ANKRD36: variants seen among roughly 807,000 people sequenced by gnomAD.
ANKRD36 encodes the protein ankyrin repeat domain-containing protein 36A.
Under a neutral mutation model 278.1 loss-of-function variants are expected in ANKRD36, and 179 were observed. The observed-to-expected ratio is 0.64, with a 90% CI of 0.57 to 0.73. The LOEUF (loss-of-function observed/expected upper bound fraction) is 0.73. ANKRD36 is among the 30% of genes least tolerant of loss of function. ANKRD36 has a pLI of 0.00. For missense variants in ANKRD36, 1,159 were observed against 1,956.7 expected (o/e 0.59, Z 7.69); for synonymous variants, 320 against 641.1 (o/e 0.50, Z 7.57).
chr2:97,194,947 G>C (rs2059359030), intron 40 of ANKRD36, 30 bp downstream of exon 40: 2 of 1,539,748 alleles, frequency 1.3e-6, no homozygotes, highest in Non-Finnish European at 1.7e-6. Flanking sequence ...TTAATGTCAT[G>C]TTCAGTCCAG....
In ANKRD36 at chr2:97,122,919, T is replaced by C; in HGVS notation, c.519T>C (p.Ser173=). The change falls in exon 4 of 76, where the codon AGT becomes AGC. Residue 173 remains serine, a synonymous_variant. Coordinates refer to ENST00000420699, the MANE Select transcript of ANKRD36 (RefSeq NM_001354587.1). ...CEYQPLLFAV[S]RRKVKMVEFL... ...ATCAGCCACTGTTATTTGCTGTGAG[T>C]CGAAGAAAAGTGAAAATGGTGGAAT... 1 of 1,544,340 alleles carries C rather than the reference T, an allele frequency of 6.5e-7. No individual in the cohort carries two copies. Among genetic ancestry groups the C allele is most frequent in the Non-Finnish European group, 8.7e-7 (1 of 1,142,900 alleles).
intron 54 of ANKRD36, among the ~76,000 whole-genome samples, 170 bp from the exon 55 acceptor site, chr2:97,209,511 T>G (rs1176416219): frequency 2.8e-5 from 4 of 144,688 alleles, no homozygotes; most frequent in African/African-American, 8.3e-5. Flanking sequence ...CTGTGTTCCC[T>G]TTTTCAGTGT....
At chr2:97,190,554 T>C (rs1451759964) in intron 34 of ANKRD36, among the ~76,000 whole-genome samples, 1 of 151,692 alleles carries the variant, frequency 6.6e-6, no homozygotes, top group Admixed American at 6.6e-5. Context: ...TTAAAGAGCA[T>C]GATGAATGTT....
intron 58 of ANKRD36, chr2:97,212,741 C>G (rs957044789): frequency 6.2e-6 from 1 of 161,052 alleles, no homozygotes; most frequent in Non-Finnish European, 1.4e-5. Flanking sequence ...TTTATTGAGG[C>G]TAATATATTA....
At chr2:97,199,694 T>C (rs1178055674) in intron 44 of ANKRD36, among the ~76,000 whole-genome samples, 1 of 151,864 alleles carries the variant, frequency 6.6e-6, no homozygotes, top group Non-Finnish European at 1.5e-5. Flanking sequence ...ATGAAGAAAC[T>C]TTCGGAAGGG....
At chr2:97,260,345 A>AAG (rs1553500746) in intron 75 of ANKRD36, among the ~76,000 whole-genome samples, 6 of 70,514 alleles carry the variant, frequency 8.5e-5, no homozygotes, top group Admixed American at 3.4e-4. Context: ...AATATTTTAA[A>AAG]AGATATATAT....
chr2:97,206,556 C>A (rs1297324496), intron 52 of ANKRD36, among the ~76,000 whole-genome samples: 1 of 151,344 alleles, frequency 6.6e-6, no homozygotes, highest in Non-Finnish European at 1.5e-5. Flanking sequence ...ACTAAGGAGA[C>A]CCCTGGTGTA....
At chr2:97,180,083 C>T (rs1233991677) in intron 24 of ANKRD36, 150 bp downstream of exon 24, 10 of 1,129,730 alleles carry the variant, frequency 8.9e-6, no homozygotes, top group South Asian at 1.5e-5. Context: ...TCTCAGGTGA[C>T]CCTGATGCTG....
Position 97,179,852 on chromosome 2 carries a change from C to G in ANKRD36, c.1663-9C>G. 1 of 1,603,992 alleles carries G rather than the reference C, an allele frequency of 6.2e-7. No homozygotes were observed. Among genetic ancestry groups the G allele is most frequent in the African/African-American group, 1.3e-5 (1 of 74,778 alleles). ...ACATATTGATTATTTTGCTTCAAAT[C>G]CCATTCAGGCTACAAGTGACGACAA... On this transcript the variant is annotated splice_polypyrimidine_tract_variant and intron_variant, in intron 23 of 75. Transcript: ENST00000420699.
At chr2:97,117,158 G>A (rs996011923) in intron 1 of ANKRD36, among the ~76,000 whole-genome samples, 48 of 147,574 alleles carry the variant, frequency 3.3e-4, no homozygotes, top group African/African-American at 9.3e-4. Flanking sequence ...ACTATTAATC[G>A]TTGCAAATAC....
intron 22 of ANKRD36, among the ~76,000 whole-genome samples, chr2:97,173,338 A>G (rs1305957097): frequency 6.6e-6 from 1 of 151,486 alleles, no homozygotes; most frequent in Non-Finnish European, 1.5e-5. Flanking sequence ...GCCTATGATA[A>G]TAACTCATAA....
intron 6 of ANKRD36, among the ~76,000 whole-genome samples, chr2:97,133,149 A>G (rs1425926650): frequency 1.3e-5 from 2 of 152,078 alleles, no homozygotes; most frequent in Non-Finnish European, 2.9e-5. Context: ...TAAGAATGAC[A>G]GTCTTATGAC....
At chr2:97,230,027 C>T (rs1486007280) in intron 67 of ANKRD36, among the ~76,000 whole-genome samples, 1 of 152,118 alleles carries the variant, frequency 6.6e-6, no homozygotes, top group Non-Finnish European at 1.5e-5. Context: ...TGATGGGCTT[C>T]CCTTTGTGGG....
intron 67 of ANKRD36, 139 bp downstream of exon 67, chr2:97,225,018 A>G (rs2068968383): frequency 1.2e-6 from 1 of 838,970 alleles, no homozygotes. Flanking sequence ...CATTTTAAAA[A>G]CATTTAACTA....
chr2:97,195,923 A>T (rs1480010681), intron 40 of ANKRD36, among the ~76,000 whole-genome samples: 1 of 151,966 alleles, frequency 6.6e-6, no homozygotes, highest in Non-Finnish European at 1.5e-5. Context: ...CTAATATATT[A>T]TCCTTTGGTG....
Position 97,205,891 on chromosome 2 carries a change from C to T in ANKRD36, c.3062-49C>T, listed in dbSNP as rs544454756. 1,026 of 1,515,918 alleles carry T rather than the reference C, an allele frequency of 6.8e-4. 9 individuals are homozygous for T. The highest frequency in any genetic ancestry group is 9.4e-4 in the Admixed American group (48 of 51,060). 93.9% of individuals were successfully genotyped at this position (1,515,918 alleles called of 1,614,324 possible). ...TAACTCTGCTTGAATGTATGGATAT[C>T]TTTATCATATTTACATATGACTGAT... On this transcript the variant is annotated intron_variant, in intron 50 of 75. Transcript: ENST00000420699.
chr2:97,171,189 TC>T (rs1309147827), intron 22 of ANKRD36, among the ~76,000 whole-genome samples: 1 of 125,606 alleles, frequency 8.0e-6, no homozygotes, highest in African/African-American at 3.0e-5. Flanking sequence ...GACCCAGCCA[TC>T]CCATTACTGG....
intron 6 of ANKRD36, among the ~76,000 whole-genome samples, chr2:97,134,356 T>C (rs1353596169): frequency 1.3e-5 from 2 of 152,106 alleles, no homozygotes; most frequent in African/African-American, 4.8e-5. Flanking sequence ...CTTCATGCTG[T>C]GTACTACACA....
chr2:97,217,427 C>T, intron 64 of ANKRD36, 55 bp downstream of exon 64: 1 of 1,547,974 alleles, frequency 6.5e-7, no homozygotes, highest in Non-Finnish European at 8.7e-7. Context: ...AAGACAACAT[C>T]CCACCCCTGA....
Sources: allele counts gnomAD v4.1 joint callset (sites outside exome capture counted in the v4.1 genomes callset), GRCh38; gene constraint gnomAD v4.1.1; transcripts MANE v1.5; gene names NCBI Gene and HGNC (gene_info 2026-07-23, HGNC 2026-07-21).